GPC5: variants seen among roughly 807,000 people sequenced by gnomAD.
The protein encoded by GPC5 is glypican 5, also known as glypican-5.
Under a neutral mutation model 53.9 loss-of-function variants are expected in GPC5, and 47 were observed. That is an observed-to-expected ratio of 0.87 (90% CI 0.69 to 1.11). GPC5 has a LOEUF of 1.11. Ranked by LOEUF, GPC5 falls within the 50% of genes most tolerant of loss-of-function variation. The pLI is 0.00. For synonymous variants in GPC5, 286 were observed against 263.3 expected (o/e 1.09, Z -0.84); for missense variants, 748 against 713.1 (o/e 1.05, Z -0.56).
At chr13:92,572,955 C>G (rs1883077793) in intron 7 of GPC5, among the ~76,000 whole-genome samples, 1 of 152,104 alleles carries the variant, frequency 6.6e-6, no homozygotes. Flanking sequence ...GATGGTAAAG[C>G]ACAAATCTCT....
At chr13:92,582,887 T>C (rs927291091) in intron 7 of GPC5, among the ~76,000 whole-genome samples, 2 of 152,148 alleles carry the variant, frequency 1.3e-5, no homozygotes, top group African/African-American at 4.8e-5. Context: ...ATAGTTTCTT[T>C]GTGGAGGCTT....
chr13:92,490,494 T>C (rs570468491), intron 7 of GPC5, among the ~76,000 whole-genome samples: 1 of 152,208 alleles, frequency 6.6e-6, no homozygotes, highest in African/African-American at 2.4e-5. Context: ...CCACCCAGCC[T>C]TTAGAGGTGG....
At chr13:92,810,956 A>G (rs907946596) in intron 7 of GPC5, among the ~76,000 whole-genome samples, 14 of 151,858 alleles carry the variant, frequency 9.2e-5, no homozygotes, top group African/African-American at 3.2e-4. Context: ...TCCTGACCTC[A>G]TGATCTGCCT....
chr13:92,150,710 A>G (rs1206898503), intron 7 of GPC5, among the ~76,000 whole-genome samples: 7 of 152,074 alleles, frequency 4.6e-5, no homozygotes, highest in Non-Finnish European at 5.9e-5. Flanking sequence ...ACTGAGGTGA[A>G]GAGGGATGAC....
At chr13:92,642,826 A>G (rs1175572563) in intron 7 of GPC5, among the ~76,000 whole-genome samples, 1 of 152,194 alleles carries the variant, frequency 6.6e-6, no homozygotes, top group Non-Finnish European at 1.5e-5. Flanking sequence ...AGAAGTAGAA[A>G]TGCAGTCTGC....
intron 7 of GPC5, among the ~76,000 whole-genome samples, chr13:92,597,689 A>G (rs1883924990): frequency 6.6e-6 from 1 of 152,232 alleles, no homozygotes; most frequent in South Asian, 2.1e-4. Context: ...TTATTCATTG[A>G]CATTTTTGCA....
At chr13:91,507,583 A>G (rs1316037769) in intron 2 of GPC5, among the ~76,000 whole-genome samples, 1 of 152,194 alleles carries the variant, frequency 6.6e-6, no homozygotes, top group Non-Finnish European at 1.5e-5. Flanking sequence ...TGATTCAGTC[A>G]TCTCCCACTG....
At chr13:91,895,637 T>C (rs973509169) in intron 5 of GPC5, among the ~76,000 whole-genome samples, 5 of 151,728 alleles carry the variant, frequency 3.3e-5, no homozygotes, top group Non-Finnish European at 1.5e-5. Flanking sequence ...TCTCTTTCTT[T>C]CTTTTTTTTT....
intron 7 of GPC5, among the ~76,000 whole-genome samples, chr13:92,550,600 T>C (rs1348076364): frequency 6.6e-6 from 1 of 151,756 alleles, no homozygotes; most frequent in Non-Finnish European, 1.5e-5. Context: ...ATATAAGACC[T>C]GAAAAAGGGG....
At chr13:92,548,922 A>G (rs1049864483) in intron 7 of GPC5, among the ~76,000 whole-genome samples, 2 of 152,146 alleles carry the variant, frequency 1.3e-5, no homozygotes, top group African/African-American at 4.8e-5. Flanking sequence ...TTAAAAATAA[A>G]AACAATAAAA....
chr13:91,477,071 G>A (rs1882972979), intron 2 of GPC5, among the ~76,000 whole-genome samples: 1 of 152,170 alleles, frequency 6.6e-6, no homozygotes, highest in African/African-American at 2.4e-5. Flanking sequence ...AGAAAATTAT[G>A]TGAAAGGATA....
chr13:92,229,019 A>C (rs1229915278), intron 7 of GPC5, among the ~76,000 whole-genome samples: 2 of 152,196 alleles, frequency 1.3e-5, no homozygotes, highest in African/African-American at 2.4e-5. Context: ...AGCAAAACAC[A>C]AATTTGCACA....
At chr13:92,308,260 A>G (rs546826283) in intron 7 of GPC5, among the ~76,000 whole-genome samples, 1 of 152,202 alleles carries the variant, frequency 6.6e-6, no homozygotes, top group East Asian at 1.9e-4. Flanking sequence ...AGAGTTAAAA[A>G]TTAATTTAGG....
chr13:91,678,766 A>G (rs1278819026), intron 2 of GPC5, among the ~76,000 whole-genome samples: 1 of 151,200 alleles, frequency 6.6e-6, no homozygotes, highest in Non-Finnish European at 1.5e-5. Context: ...TGTGGATCCT[A>G]TAGAGCTGAC....
intron 7 of GPC5, among the ~76,000 whole-genome samples, chr13:92,423,195 G>C (rs1032695341): frequency 2.0e-5 from 3 of 152,034 alleles, no homozygotes; most frequent in Non-Finnish European, 4.4e-5. Flanking sequence ...ATCTCCCAAA[G>C]GCCCTACCTC....
intron 7 of GPC5, among the ~76,000 whole-genome samples, chr13:92,458,698 A>C (rs1878370064): frequency 6.6e-6 from 1 of 152,158 alleles, no homozygotes; most frequent in Non-Finnish European, 1.5e-5. Context: ...AAGAATAGGG[A>C]AAGATAAGAA....
chr13:91,956,206 G>A (rs374538261), intron 6 of GPC5, among the ~76,000 whole-genome samples: 2 of 151,742 alleles, frequency 1.3e-5, no homozygotes, highest in South Asian at 2.1e-4. Context: ...CTGGTGGCAT[G>A]GATCTTGCCC....
chr13:91,688,615 C>T (rs1044346654), intron 2 of GPC5, among the ~76,000 whole-genome samples: 5 of 152,012 alleles, frequency 3.3e-5, no homozygotes, highest in Non-Finnish European at 7.4e-5. Context: ...AATATTGACA[C>T]GGTTGTGTGC....
intron 6 of GPC5, among the ~76,000 whole-genome samples, chr13:91,982,019 C>A (rs1354568118): frequency 1.3e-5 from 2 of 152,158 alleles, no homozygotes; most frequent in Non-Finnish European, 2.9e-5. Context: ...ATGAAGGTTC[C>A]TCGCTTGCTG....
Sources: allele counts gnomAD v4.1 joint callset (sites outside exome capture counted in the v4.1 genomes callset), GRCh38; gene constraint gnomAD v4.1.1; transcripts MANE v1.5; gene names NCBI Gene and HGNC (gene_info 2026-07-23, HGNC 2026-07-21).